SYNE3: variants seen among roughly 807,000 people sequenced by gnomAD.
The protein encoded by SYNE3 is spectrin repeat containing nuclear envelope family member 3.
In SYNE3, 100 loss-of-function variants were observed where a neutral mutation model predicts 111.2. The observed-to-expected ratio is 0.90, with a 90% CI of 0.77 to 1.06. SYNE3 has a LOEUF of 1.06. Ranked by LOEUF, SYNE3 falls within the 50% of genes least tolerant of loss-of-function variation. The pLI is 0.00. For synonymous variants in SYNE3, 547 were observed against 533.9 expected, an observed-to-expected ratio of 1.02 and a Z score of -0.34; for missense variants, 1,160 against 1,240.3, an observed-to-expected ratio of 0.94 and a Z score of 0.97.
At position 95,407,766 on chromosome 14, in the gene SYNE3, C is replaced by T. The variant is rs1903318517; in HGVS notation, c.*10060G>A. 6.7e-6 allele frequency: 1 copy of T among 149,258 alleles called. No individual in the cohort carries two copies. The highest frequency in any genetic ancestry group is 1.5e-5 in the Non-Finnish European group (1 of 66,892). The allele number at this position is 149,258 out of a possible 1,614,324, so 9.2% of individuals were successfully genotyped here. A position where few individuals can be genotyped will look rare whatever the true frequency, so the allele number is the denominator to read the frequency against. ...ACAAGTGTGAACGCATACACAAACA[C>T]ACACACACAGACACACACACACACA... On this transcript the variant is annotated 3_prime_UTR_variant, in exon 18 of 18. Transcript: ENST00000682763.
At chr14:95,434,936 G>A (rs1317198185) in intron 15 of SYNE3, among the ~76,000 whole-genome samples, 1 of 152,202 alleles carries the variant, frequency 6.6e-6, no homozygotes, top group Non-Finnish European at 1.5e-5. Flanking sequence ...TTACAGGCGT[G>A]AGCCACCGTG....
chr14:95,480,036 G>A (rs1889132401), intron 1 of SYNE3, among the ~76,000 whole-genome samples: 1 of 151,726 alleles, frequency 6.6e-6, no homozygotes, highest in East Asian at 1.9e-4. Flanking sequence ...TGGACTGGTT[G>A]AATGGAGATA....
rs145141808 is a variant in SYNE3 at position 95,455,532 on chromosome 14, G to C, written c.982C>G (p.Arg328Gly). 393 of 1,613,928 alleles carry C rather than the reference G, an allele frequency of 2.4e-4. No homozygotes were observed. Among genetic ancestry groups the C allele is most frequent in the Middle Eastern group, 3.3e-4 (2 of 6,062 alleles). The change falls in exon 6 of 18, where the codon CGG (arginine) becomes GGG (glycine). Residue 328 changes from arginine (R) to glycine (G), a missense_variant. Arg to Gly is a moderately radical substitution (Grantham distance 125, BLOSUM62 -2). Transcript: ENST00000682763. ...TGCTGCTCCCAGGCTCCCCTGGACC[G>C]GAGCAGGCCCCGCAGCCGCTCCTCC... is the stretch of plus-strand genomic sequence containing the variant. ...EEEERLRGLL[R>G]SRGAWEQQIK...
intron 17 of SYNE3, chr14:95,430,059 AC>A: frequency 1.5e-6 from 1 of 662,896 alleles, no homozygotes; most frequent in Non-Finnish European, 1.9e-6. Flanking sequence ...CTGTGAACAT[AC>A]CACAGTAACA....
chr14:95,492,217 A>G (rs1889884043), intron 1 of SYNE3, among the ~76,000 whole-genome samples: 1 of 152,250 alleles, frequency 6.6e-6, no homozygotes, highest in South Asian at 2.1e-4. Flanking sequence ...ACAGCCTGGT[A>G]GTTCTTCAAA....
At chr14:95,437,002 A>G (rs1324799951) in intron 14 of SYNE3, 21 bp from the exon 15 acceptor site, 7 of 1,613,860 alleles carry the variant, frequency 4.3e-6, no homozygotes, top group Non-Finnish European at 5.9e-6. Context: ...ACACACGGCC[A>G]AAGCGTCAGA....
chr14:95,492,806 A>G (rs4900275), intron 1 of SYNE3, among the ~76,000 whole-genome samples: 29,536 of 152,118 alleles, frequency 0.19, 3,118 homozygotes, highest in East Asian at 0.41. Context: ...GCTTGAGGCC[A>G]GGAGTTTGAG....
At chr14:95,426,210 C>T (rs1885420177) in intron 17 of SYNE3, among the ~76,000 whole-genome samples, 1 of 152,176 alleles carries the variant, frequency 6.6e-6, no homozygotes, top group Non-Finnish European at 1.5e-5. Context: ...AGACTGATTG[C>T]TTCTGGGCTC....
intron 17 of SYNE3, among the ~76,000 whole-genome samples, chr14:95,419,699 C>T (rs907847960): frequency 2.6e-5 from 2 of 76,268 alleles, no homozygotes; most frequent in Non-Finnish European, 4.7e-5. Flanking sequence ...ATGATCATGA[C>T]GCTAATGGTG....
intron 17 of SYNE3, among the ~76,000 whole-genome samples, chr14:95,422,655 C>A (rs1047448742): frequency 6.6e-6 from 1 of 152,188 alleles, no homozygotes; most frequent in Non-Finnish European, 1.5e-5. Flanking sequence ...GGTCTCAGTA[C>A]CCACTACAAA....
chr14:95,441,894 G>A (rs996943844), intron 11 of SYNE3, among the ~76,000 whole-genome samples: 3 of 152,258 alleles, frequency 2.0e-5, no homozygotes, highest in African/African-American at 7.2e-5. Context: ...GGTGGAGTGA[G>A]AGGGATGGGT....
intron 1 of SYNE3, among the ~76,000 whole-genome samples, chr14:95,481,167 G>A (rs1026502467): frequency 2.0e-5 from 3 of 152,266 alleles, no homozygotes; most frequent in Admixed American, 6.5e-5. Flanking sequence ...CCAGGACATG[G>A]AGGCACTTGC....
chr14:95,471,065 C>G (rs61981457), intron 2 of SYNE3, among the ~76,000 whole-genome samples: 35,041 of 151,802 alleles, frequency 0.23, 4,402 homozygotes, highest in South Asian at 0.31. Context: ...GCTAGCAACA[C>G]AATAAGTCCA....
In SYNE3 at chr14:95,423,542, A is replaced by G. The variant is rs71419286; in HGVS notation, c.2728-5516T>C. Among the ~76,000 whole-genome samples, 83 of 36,876 alleles carry G rather than the reference A, an allele frequency of 2.3e-3. 2 individuals carry two copies. Among genetic ancestry groups the G allele is most frequent in the South Asian group, 4.1e-3 (3 of 734 alleles). 24.2% of individuals were successfully genotyped at this position (36,876 alleles called of 152,430 possible). On this transcript the variant is annotated intron_variant, in intron 17 of 17. Transcript: ENST00000682763. Reference sequence around the variant, plus strand: ...GGATGGGGATTTGATGGGGATGGGGATTTGATGGGCATGGGGATTTGATGG... The same window carrying G: ...GGATGGGGATTTGATGGGGATGGGGGTTTGATGGGCATGGGGATTTGATGG...
In SYNE3 at chr14:95,417,862, C is replaced by T. The variant is rs1282888383; in HGVS notation, c.2892G>A (p.Thr964=). 24 of 1,614,034 alleles carry T rather than the reference C, an allele frequency of 1.5e-5. No individual in the cohort carries two copies. The highest frequency in any genetic ancestry group is 6.7e-5 in the African/African-American group (5 of 74,904). The change falls in exon 18 of 18, where the codon ACG becomes ACA. Residue 964 remains threonine (T), a synonymous_variant. Coordinates refer to ENST00000682763, the MANE Select transcript of SYNE3 (RefSeq NM_152592.6). ...TLANNFARSF[T]LMLRYNGPPP... is the part of the protein sequence containing the mutation. The stretch of plus-strand genomic sequence containing the variant: ...GTGGGCCATTGTAGCGCAGCATGAG[C>T]GTGAAGGAGCGGGCGAAGTTGTTGG...
At chr14:95,495,409 A>G (rs1444569793) in intron 1 of SYNE3, among the ~76,000 whole-genome samples, 1 of 152,184 alleles carries the variant, frequency 6.6e-6, no homozygotes, top group African/African-American at 2.4e-5. Context: ...GTAGGTGTCA[A>G]GGTTATCACT....
At position 95,409,640 on chromosome 14, in the gene SYNE3, T is replaced by C. The variant is rs1356040648; in HGVS notation, c.*8186A>G. 2.9e-6 allele frequency: 1 copy of C among 340,410 alleles called. No individual in the cohort carries two copies. The highest frequency in any genetic ancestry group is 7.7e-5 in the East Asian group (1 of 12,918). 21.1% of individuals were successfully genotyped at this position (340,410 alleles called of 1,614,324 possible). ...GGCCCTGAACATCCTGCTGAACCATTTGCTTTTAGACCACGAGCCTGTGTT... is the reference window on the plus strand; with the variant it reads ...GGCCCTGAACATCCTGCTGAACCATCTGCTTTTAGACCACGAGCCTGTGTT... On this transcript the variant is annotated 3_prime_UTR_variant, in exon 18 of 18. Transcript: ENST00000682763.
At position 95,440,155 on chromosome 14, in the gene SYNE3, G is replaced by T. The variant is rs957771480; in HGVS notation, c.1912-80C>A. ...CCCCCGCACCACCCCCACCCTGCAG[G>T]GCTCTCACACCCGCTGGGGACCCCA... On this transcript the variant is annotated intron_variant, in intron 11 of 17. Transcript: ENST00000682763. 1.7e-5 allele frequency: 25 copies of T among 1,490,994 alleles called. No homozygotes were observed. The African/African-American group carries it at 3.3e-4, about 20-fold the overall frequency. 92.4% of individuals were successfully genotyped at this position (1,490,994 alleles called of 1,614,324 possible). A position where few individuals can be genotyped will look rare whatever the true frequency, so the allele number is the denominator to read the frequency against.
At chr14:95,478,494 G>T (rs1316124686) in intron 1 of SYNE3, among the ~76,000 whole-genome samples, 1 of 152,032 alleles carries the variant, frequency 6.6e-6, no homozygotes, top group Non-Finnish European at 1.5e-5. Flanking sequence ...CCCTTTTTCT[G>T]CCCGTCGGAC....
Sources: allele counts gnomAD v4.1 joint callset (sites outside exome capture counted in the v4.1 genomes callset), GRCh38; gene constraint gnomAD v4.1.1; transcripts MANE v1.5; gene names NCBI Gene and HGNC (gene_info 2026-07-23, HGNC 2026-07-21).